The following NOCT variants were observed in gnomAD, a reference collection of about 807,000 sequenced individuals.
NOCT encodes CCR4 carbon catabolite repression 4-like.
Under a neutral mutation model 35.0 loss-of-function variants are expected in NOCT, and 18 were observed. The ratio of observed to expected loss-of-function variants is 0.51; its 90% CI spans 0.36 to 0.76. The LOEUF (loss-of-function observed/expected upper bound fraction) is 0.76. Among genes scored for constraint, NOCT ranks in the 30% least tolerant of loss-of-function variants. NOCT has a pLI of 0.01. For missense variants in NOCT, 479 were observed against 541.0 expected (o/e 0.89, Z 1.14); for synonymous variants, 235 against 226.3 (o/e 1.04, Z -0.34).
Position 139,019,895 on chromosome 4 carries a change from T to C in NOCT, c.190+3724T>C, listed in dbSNP as rs183392225. ...TCAGAGAATGAAGAGCTGGCTGAAC[T>C]ACTGTTCTCTACCATTAGAACATTT... On this transcript the variant is annotated intron_variant, in intron 1 of 2. Coordinates refer to ENST00000280614, the MANE Select transcript of NOCT (RefSeq NM_012118.4). Among the ~76,000 whole-genome samples the C allele has an allele frequency of 2.0e-5, 3 of 152,354 alleles. No homozygotes were observed. The East Asian group carries it at 5.8e-4, about 29-fold the overall frequency.
intron 1 of NOCT, among the ~76,000 whole-genome samples, chr4:139,021,905 T>G (rs990131802): frequency 6.6e-6 from 1 of 152,050 alleles, no homozygotes; most frequent in Admixed American, 6.6e-5. Flanking sequence ...ACTACAGGCA[T>G]GCGCCACCAT....
intron 1 of NOCT, among the ~76,000 whole-genome samples, chr4:139,035,986 C>T (rs193171051): frequency 3.3e-4 from 51 of 152,294 alleles, no homozygotes; most frequent in African/African-American, 1.2e-3. Context: ...GGCGAGGCCT[C>T]CTTAAGCATC....
chr4:139,034,356 C>T lies in NOCT; in HGVS notation c.191-8718C>T, dbSNP rs183295141. ...TAATACATGAACTTTGGGGGACATGCATTCAAACCATAATAAAGTGAGAAG... is the reference window on the plus strand; with the variant it reads ...TAATACATGAACTTTGGGGGACATGTATTCAAACCATAATAAAGTGAGAAG... On this transcript the variant is annotated intron_variant, in intron 1 of 2. Transcript: ENST00000280614. 3.7e-3 allele frequency among the ~76,000 whole-genome samples: 571 copies of T among 152,272 alleles called. 3 individuals carry two copies. Among genetic ancestry groups the T allele is most frequent in the Non-Finnish European group, 5.7e-3 (390 of 68,024 alleles).
rs558769686 is a variant in NOCT at position 139,041,371 on chromosome 4, TTA to T, written c.191-1701_191-1700del. ...TATAATGTTTACATTTATAAAATGT[TTA>T]TGTTTTATAAAGAAAACTTTGTATC... On this transcript the variant is annotated intron_variant, in intron 1 of 2. Coordinates refer to ENST00000280614, the MANE Select transcript of NOCT (RefSeq NM_012118.4). Among the ~76,000 whole-genome samples, 544 of 152,332 alleles carry T rather than the reference TTA, an allele frequency of 3.6e-3. 3 individuals are homozygous for T. The highest frequency in any genetic ancestry group is 0.013 in the African/African-American group (521 of 41,574).
chr4:139,035,983 C>G (rs1397981324), intron 1 of NOCT, among the ~76,000 whole-genome samples: 1 of 152,152 alleles, frequency 6.6e-6, no homozygotes, highest in Admixed American at 6.5e-5. Flanking sequence ...TTTGGCGAGG[C>G]CTCCTTAAGC....
intron 1 of NOCT, among the ~76,000 whole-genome samples, chr4:139,032,243 T>C (rs1055249489): frequency 4.4e-5 from 4 of 90,740 alleles, no homozygotes; most frequent in African/African-American, 1.8e-4. Context: ...AATGTGCTTA[T>C]AGAATTAGTC....
chr4:139,031,260 C>T (rs958666308), intron 1 of NOCT, among the ~76,000 whole-genome samples: 2 of 152,054 alleles, frequency 1.3e-5, no homozygotes, highest in African/African-American at 4.8e-5. Context: ...CGCCATTCTC[C>T]TGCCTCAGCC....
chr4:139,038,156 C>T (rs1399698391), intron 1 of NOCT, among the ~76,000 whole-genome samples: 1 of 151,510 alleles, frequency 6.6e-6, no homozygotes, highest in Non-Finnish European at 1.5e-5. Context: ...GCCGAGATCA[C>T]GCCACTGCAT....
chr4:139,016,229 C>T, intron 1 of NOCT, 58 bp downstream of exon 1: 1 of 1,115,304 alleles, frequency 9.0e-7, no homozygotes, highest in Non-Finnish European at 1.1e-6. Context: ...GCGGCCGCCA[C>T]CTGGAGACCG....
At chr4:139,041,881 A>G (rs974217414) in intron 1 of NOCT, among the ~76,000 whole-genome samples, 2 of 152,062 alleles carry the variant, frequency 1.3e-5, no homozygotes, top group South Asian at 4.1e-4. Context: ...AGAAAGCCCA[A>G]GCCTTGATTT....
intron 1 of NOCT, among the ~76,000 whole-genome samples, chr4:139,032,430 A>T (rs1267430737): frequency 1.3e-5 from 2 of 152,198 alleles, no homozygotes; most frequent in Admixed American, 1.3e-4. Context: ...TGAGGTAGAA[A>T]GATCACTGAA....
chr4:139,030,202 T>C lies in NOCT; in HGVS notation c.191-12872T>C, dbSNP rs192817052. Among the ~76,000 whole-genome samples the C allele has an allele frequency of 3.5e-4, 53 of 152,300 alleles. No individual in the cohort carries two copies. In the East Asian group the frequency reaches 6.0e-3, roughly 17 times the overall value. ...CCTAGAGTTACGTTTAATGGTGACT[T>C]AGGACCTCATTACACTTTTGAACCT... is the stretch of plus-strand genomic sequence containing the variant. On this transcript the variant is annotated intron_variant, in intron 1 of 2. Coordinates refer to ENST00000280614, the MANE Select transcript of NOCT (RefSeq NM_012118.4).
intron 1 of NOCT, among the ~76,000 whole-genome samples, chr4:139,026,823 A>C (rs1254865352): frequency 6.6e-6 from 1 of 150,998 alleles, no homozygotes; most frequent in African/African-American, 2.5e-5. Flanking sequence ...AAGTGTTGGA[A>C]TTACAGGTGT....
intron 1 of NOCT, among the ~76,000 whole-genome samples, chr4:139,024,457 T>G (rs1197711581): frequency 6.6e-6 from 1 of 152,224 alleles, no homozygotes; most frequent in Non-Finnish European, 1.5e-5. Context: ...AGTTGTTTAA[T>G]TGCTCCTTTT....
intron 1 of NOCT, among the ~76,000 whole-genome samples, chr4:139,025,932 T>C (rs769619170): frequency 1.3e-5 from 2 of 152,186 alleles, no homozygotes; most frequent in Non-Finnish European, 2.9e-5. Context: ...ATGCAACATA[T>C]TCTTTTTTTA....
At chr4:139,033,921 T>C (rs1726671761) in intron 1 of NOCT, among the ~76,000 whole-genome samples, 1 of 152,076 alleles carries the variant, frequency 6.6e-6, no homozygotes, top group Admixed American at 6.5e-5. Context: ...TACGGATCTC[T>C]CTGTGTTGCC....
intron 1 of NOCT, among the ~76,000 whole-genome samples, chr4:139,031,689 T>C (rs184146340): frequency 6.6e-6 from 1 of 152,058 alleles, no homozygotes; most frequent in Non-Finnish European, 1.5e-5. Context: ...TTCAAATATA[T>C]TTGTGATTAG....
Position 139,037,069 on chromosome 4 carries a change from G to A in NOCT, c.191-6005G>A, listed in dbSNP as rs1460160132. On this transcript the variant is annotated intron_variant, in intron 1 of 2. Coordinates refer to ENST00000280614, the MANE Select transcript of NOCT (RefSeq NM_012118.4). ...GTTTCCCAGGTACTTTAGTATTAGAGGGCTTGTCCTATGTCATGTTGTGGT... is the reference window on the plus strand; with the variant it reads ...GTTTCCCAGGTACTTTAGTATTAGAAGGCTTGTCCTATGTCATGTTGTGGT... Among the ~76,000 whole-genome samples the A allele has an allele frequency of 2.0e-5, 3 of 152,302 alleles. No homozygotes were observed. The East Asian group carries it at 5.8e-4, about 29-fold the overall frequency.
chr4:139,031,857 C>T lies in NOCT; in HGVS notation c.191-11217C>T, dbSNP rs557259149. 4.0e-5 allele frequency among the ~76,000 whole-genome samples: 6 copies of T among 151,022 alleles called. No individual in the cohort carries two copies. In the East Asian group the frequency reaches 1.0e-3, roughly 25 times the overall value. On this transcript the variant is annotated intron_variant, in intron 1 of 2. Coordinates refer to ENST00000280614, the MANE Select transcript of NOCT (RefSeq NM_012118.4). ...CCTCCCAAGTAGCTGGGAGTACAGG[C>T]GCCCGCCACCACGCCCGGCTAATTT... is the stretch of plus-strand genomic sequence containing the variant.
Sources: gnomAD v4.1 joint callset for allele counts (sites outside exome capture counted in the v4.1 genomes callset) on GRCh38, gnomAD v4.1.1 for gene constraint, MANE v1.5 for transcripts, NCBI Gene and HGNC (gene_info 2026-07-23, HGNC 2026-07-21) for gene names.